ATP10A: variants seen among roughly 807,000 people sequenced by gnomAD.
The protein encoded by ATP10A is ATPase phospholipid transporting 10A (putative), also known as phospholipid-transporting ATPase VA.
A neutral mutation model predicts 147.8 loss-of-function variants in ATP10A; 111 were observed. That is an observed-to-expected ratio of 0.75 (90% confidence interval 0.64 to 0.88). ATP10A has a LOEUF of 0.88. Among genes scored for constraint, ATP10A ranks in the 40% least tolerant of loss-of-function variants. ATP10A has a pLI of 0.00. For missense variants in ATP10A, 1,927 were observed against 1,959.0 expected (o/e 0.98, Z 0.31); for synonymous variants, 875 against 841.6 (o/e 1.04, Z -0.69).
Position 25,855,120 on chromosome 15 carries a change from C to T in ATP10A, c.449+7528G>A, listed in dbSNP as rs118015651. 5.3e-5 allele frequency among the ~76,000 whole-genome samples: 8 copies of T among 151,040 alleles called. No homozygotes were observed. The East Asian group carries it at 1.6e-3, about 29-fold the overall frequency. ...GTGGAAACATGGAAACACTCCCCAA[C>T]TCATTCTATGAGACCAGTATAGTAC... On this transcript the variant is annotated intron_variant, in intron 1 of 20. Transcript: ENST00000555815.
intron 1 of ATP10A, among the ~76,000 whole-genome samples, chr15:25,782,726 T>C (rs1889981757): frequency 1.3e-5 from 2 of 152,220 alleles, no homozygotes; most frequent in South Asian, 4.1e-4. Flanking sequence ...TTTCCTGGAA[T>C]AACAGGCTAA....
At chr15:25,841,120 C>A (rs887735692) in intron 1 of ATP10A, among the ~76,000 whole-genome samples, 6 of 152,200 alleles carry the variant, frequency 3.9e-5, no homozygotes, top group African/African-American at 1.4e-4. Flanking sequence ...ATCTTTCCCA[C>A]AGCAAAGGAT....
At chr15:25,798,999 A>G (rs965971759) in intron 1 of ATP10A, among the ~76,000 whole-genome samples, 8 of 152,078 alleles carry the variant, frequency 5.3e-5, no homozygotes, top group Non-Finnish European at 8.8e-5. Context: ...AAAACAAACC[A>G]TAAGGTGCCT....
At chr15:25,736,192 G>C in intron 2 of ATP10A, 51 bp from the exon 3 acceptor site, 4 of 1,473,396 alleles carry the variant, frequency 2.7e-6, no homozygotes. Context: ...AGGCTGCGCC[G>C]TTCTAAAAGG....
intron 7 of ATP10A, 85 bp downstream of exon 7, chr15:25,721,572 G>T: frequency 1.5e-6 from 2 of 1,301,794 alleles, no homozygotes; most frequent in Admixed American, 3.6e-5. Flanking sequence ...GTGTGTGTGT[G>T]TGTGTGTGTG....
chr15:25,708,645 T>C (rs910778888), intron 10 of ATP10A: 1 of 198,784 alleles, frequency 5.0e-6, no homozygotes, highest in African/African-American at 2.4e-5. Context: ...TTTAACATCC[T>C]TTGTTGAAAT....
chr15:25,705,572 G>A (rs533763242), intron 12 of ATP10A, among the ~76,000 whole-genome samples: 2 of 152,124 alleles, frequency 1.3e-5, no homozygotes, highest in East Asian at 1.9e-4. Flanking sequence ...CACAGTGCCC[G>A]CGTTTGAGCC....
intron 1 of ATP10A, among the ~76,000 whole-genome samples, chr15:25,839,813 C>T (rs1892736577): frequency 6.6e-6 from 1 of 152,124 alleles, no homozygotes; most frequent in Admixed American, 6.5e-5. Context: ...ACCCAGCCTC[C>T]CCTAAGGCCA....
intron 1 of ATP10A, among the ~76,000 whole-genome samples, chr15:25,815,937 A>T (rs1447733450): frequency 6.6e-6 from 1 of 151,818 alleles, no homozygotes; most frequent in Non-Finnish European, 1.5e-5. Context: ...TAATAATCTA[A>T]GGGTTAATCT....
At chr15:25,742,478 C>T (rs898048260) in intron 2 of ATP10A, among the ~76,000 whole-genome samples, 11 of 152,222 alleles carry the variant, frequency 7.2e-5, no homozygotes, top group African/African-American at 2.7e-4. Flanking sequence ...CCTCCCCTTG[C>T]CTTTTCTGCC....
At chr15:25,781,787 G>A (rs1889939146) in intron 1 of ATP10A, among the ~76,000 whole-genome samples, 1 of 152,200 alleles carries the variant, frequency 6.6e-6, no homozygotes, top group African/African-American at 2.4e-5. Context: ...GAGACAGAAA[G>A]TGGATTTGTG....
Position 25,788,401 on chromosome 15 carries a change from C to T in ATP10A, c.450-7178G>A, listed in dbSNP as rs150952560. ...AGAACGGGGGTCTGTAGGATCGCTACAGTCTCCCCCAGCAGACACTGACCC... is the reference window on the plus strand; with the variant it reads ...AGAACGGGGGTCTGTAGGATCGCTATAGTCTCCCCCAGCAGACACTGACCC... On this transcript the variant is annotated intron_variant, in intron 1 of 20. Coordinates refer to ENST00000555815, the MANE Select transcript of ATP10A (RefSeq NM_024490.4). 2.3e-4 allele frequency among the ~76,000 whole-genome samples: 35 copies of T among 152,334 alleles called. No homozygotes were observed. In the East Asian group the frequency reaches 6.6e-3, roughly 29 times the overall value.
Position 25,702,030 on chromosome 15 carries a change from GC to G in ATP10A, c.2645del (p.Gly882AlafsTer34). The G allele has an allele frequency of 6.2e-7, 1 of 1,614,188 alleles. No individual in the cohort carries two copies. Among genetic ancestry groups the G allele is most frequent in the Non-Finnish European group, 8.5e-7 (1 of 1,180,030 alleles). The part of the protein sequence containing the change: ...PETISKLRQA[G>X]LQIWVLTGDK... ...CACCAGTGAGAACCCAAATCTGCAG[GC>G]CCGCTTGACGCAATTTAGAAATAGT... On this transcript the variant is annotated frameshift_variant, in exon 13 of 21. Coordinates refer to ENST00000555815, the MANE Select transcript of ATP10A (RefSeq NM_024490.4). LOFTEE classifies it high-confidence loss of function.
At chr15:25,746,884 C>T (rs936791211) in intron 2 of ATP10A, among the ~76,000 whole-genome samples, 2 of 152,058 alleles carry the variant, frequency 1.3e-5, no homozygotes, top group African/African-American at 4.8e-5. Flanking sequence ...AGGAAATGCT[C>T]GCTGGAGATT....
chr15:25,750,939 A>G (rs1053266595), intron 2 of ATP10A, among the ~76,000 whole-genome samples: 5 of 152,120 alleles, frequency 3.3e-5, no homozygotes, highest in Non-Finnish European at 1.5e-5. Flanking sequence ...AAAGGGTCAC[A>G]AAGAGAAGAT....
chr15:25,768,061 G>A (rs1028077753), intron 2 of ATP10A, among the ~76,000 whole-genome samples: 4 of 152,244 alleles, frequency 2.6e-5, no homozygotes, highest in South Asian at 2.1e-4. Flanking sequence ...GGACTTGCAC[G>A]TGCAGAATCT....
intron 4 of ATP10A, 24 bp from the exon 5 acceptor site, chr15:25,726,106 T>C (rs1187959037): frequency 1.2e-6 from 2 of 1,609,776 alleles, no homozygotes; most frequent in Non-Finnish European, 1.7e-6. Context: ...CAAAGAGACA[T>C]GGCAAGTCAG....
intron 1 of ATP10A, among the ~76,000 whole-genome samples, chr15:25,806,109 T>G (rs1486765859): frequency 6.6e-6 from 1 of 152,110 alleles, no homozygotes; most frequent in African/African-American, 2.4e-5. Context: ...ATACATGTGG[T>G]TTTTTTCTAA....
chr15:25,690,258 A>AG (rs1491084437), intron 15 of ATP10A, among the ~76,000 whole-genome samples: 51 of 147,826 alleles, frequency 3.4e-4, no homozygotes, highest in African/African-American at 1.2e-3. Context: ...AAAAAAAAAA[A>AG]AGAGAGACTG....
Sources: gnomAD v4.1 joint callset for allele counts (sites outside exome capture counted in the v4.1 genomes callset) on GRCh38, gnomAD v4.1.1 for gene constraint, MANE v1.5 for transcripts, NCBI Gene and HGNC (gene_info 2026-07-23, HGNC 2026-07-21) for gene names.